Variants in LIPC observed in about 807,000 individuals in gnomAD.
LIPC encodes lipase C, hepatic type, also known as hepatic triacylglycerol lipase.
Under a neutral mutation model 50.7 loss-of-function variants are expected in LIPC, and 44 were observed. That is an observed-to-expected ratio of 0.87 (90% CI 0.68 to 1.11). The LOEUF (loss-of-function observed/expected upper bound fraction) is 1.11, where lower values mean the gene tolerates loss of function less well. LIPC is among the 50% of genes most tolerant of loss of function. The pLI is 0.00. For synonymous variants in LIPC, 271 were observed against 256.4 expected (o/e 1.06, Z -0.54); for missense variants, 697 against 648.2 (o/e 1.08, Z -0.82).
At chr15:58,494,900 T>C (rs1317047912) in intron 1 of LIPC, 1 of 455,906 alleles carries the variant, frequency 2.2e-6, no homozygotes, top group Admixed American at 2.4e-5. Flanking sequence ...TGATTGACAA[T>C]ACAAAATTAA....
chr15:58,498,663 T>G (rs1224832565), intron 1 of LIPC: 3 of 152,168 alleles, frequency 2.0e-5, no homozygotes, highest in African/African-American at 7.2e-5. Flanking sequence ...TACTTGGTGC[T>G]TACTCCCCAG....
At chr15:58,556,375 G>A (rs920787904) in intron 6 of LIPC, among the ~76,000 whole-genome samples, 34 of 152,280 alleles carry the variant, frequency 2.2e-4, no homozygotes, top group Middle Eastern at 3.4e-3. Flanking sequence ...AGGCCACAAA[G>A]GACCACAACT....
chr15:58,461,896 A>T (rs1894362292), intron 1 of LIPC, among the ~76,000 whole-genome samples: 1 of 148,110 alleles, frequency 6.8e-6, no homozygotes, highest in Non-Finnish European at 1.5e-5. Context: ...TACTCTGTCC[A>T]CCCCTCCACA....
chr15:58,528,802 A>G (rs1225174106), intron 1 of LIPC, among the ~76,000 whole-genome samples: 2 of 152,232 alleles, frequency 1.3e-5, no homozygotes, highest in Non-Finnish European at 2.9e-5. Context: ...TTTCTCACTG[A>G]GTATAAGGCA....
intron 1 of LIPC, among the ~76,000 whole-genome samples, chr15:58,461,983 ATG>A (rs1894368587): frequency 1.3e-5 from 2 of 151,364 alleles, no homozygotes; most frequent in South Asian, 4.2e-4. Context: ...AAGTCCTGGA[ATG>A]TGTTTTCTCC....
intron 1 of LIPC, among the ~76,000 whole-genome samples, chr15:58,501,657 G>A (rs562449607): frequency 6.6e-6 from 1 of 152,210 alleles, no homozygotes; most frequent in East Asian, 1.9e-4. Flanking sequence ...TTAACTTGCC[G>A]TGAATATATT....
chr15:58,562,012 C>T (rs1043601169), intron 7 of LIPC, among the ~76,000 whole-genome samples: 2 of 152,202 alleles, frequency 1.3e-5, no homozygotes, highest in African/African-American at 4.8e-5. Flanking sequence ...ACATACAGGG[C>T]ACTGTGGTAG....
Position 58,506,730 on chromosome 15 carries a change from G to A in LIPC, c.89-31603G>A, listed in dbSNP as rs150721523. 4.8e-3 allele frequency among the ~76,000 whole-genome samples: 738 copies of A among 152,306 alleles called. 4 individuals are homozygous for A. Among genetic ancestry groups the A allele is most frequent in the Non-Finnish European group, 8.4e-3 (572 of 68,024 alleles). ...GCTGTGTTCCCAACTCCTAAGCCCT[G>A]CTGGCTCCCTCTGCCCCCCACCCTG... On this transcript the variant is annotated intron_variant, in intron 1 of 8. Coordinates refer to ENST00000299022, the MANE Select transcript of LIPC (RefSeq NM_000236.3).
intron 1 of LIPC, among the ~76,000 whole-genome samples, chr15:58,525,385 C>G (rs961546300): frequency 2.0e-5 from 3 of 152,220 alleles, no homozygotes; most frequent in South Asian, 2.1e-4. Context: ...AATCTTCCCC[C>G]ATAGTCCTTT....
rs139405477 is a variant in LIPC at position 58,483,299 on chromosome 15, A to G, written c.88+51179A>G. Among the ~76,000 whole-genome samples the G allele has an allele frequency of 3.7e-3, 570 of 152,328 alleles. 4 individuals carry two copies. Among genetic ancestry groups the G allele is most frequent in the African/African-American group, 0.013 (552 of 41,570 alleles). On this transcript the variant is annotated intron_variant, in intron 1 of 8. Transcript: ENST00000299022. ...GATTAAGAAATGACCCTTGGTAACA[A>G]AAGTTACCAATGTAGACCAGTTATG...
Position 58,542,523 on chromosome 15 carries a change from C to T in LIPC, c.457-11C>T. On this transcript the variant is annotated splice_polypyrimidine_tract_variant and intron_variant, in intron 3 of 8. Transcript: ENST00000299022. ...CTCTTCTCCTGCCCCCATCCCGCTG[C>T]TGTCTTCCAGGAATCTGTGCAACTC... 1 of 1,570,646 alleles carries T rather than the reference C, an allele frequency of 6.4e-7. No homozygotes were observed. The highest frequency in any genetic ancestry group is 8.8e-7 in the Non-Finnish European group (1 of 1,140,274).
At chr15:58,536,244 G>T (rs1323309091) in intron 1 of LIPC, among the ~76,000 whole-genome samples, 1 of 152,142 alleles carries the variant, frequency 6.6e-6, no homozygotes, top group Admixed American at 6.5e-5. Context: ...GAGGTGCAAA[G>T]GTACCGGCAT....
chr15:58,478,919 T>C (rs1238645790), intron 1 of LIPC, among the ~76,000 whole-genome samples: 4 of 152,200 alleles, frequency 2.6e-5, no homozygotes, highest in African/African-American at 9.6e-5. Flanking sequence ...GGATGCCATG[T>C]CAACAAAAAC....
chr15:58,465,501 C>T (rs1013867965), intron 1 of LIPC, among the ~76,000 whole-genome samples: 3 of 152,142 alleles, frequency 2.0e-5, no homozygotes, highest in African/African-American at 7.2e-5. Flanking sequence ...GATTGTAGGA[C>T]ATGACTGACA....
intron 8 of LIPC, among the ~76,000 whole-genome samples, chr15:58,566,812 T>G (rs1461827055): frequency 6.6e-6 from 1 of 152,072 alleles, no homozygotes; most frequent in Non-Finnish European, 1.5e-5. Context: ...ATCAAAGAAA[T>G]TATCACTGGT....
chr15:58,457,390 G>A (rs997686544), intron 1 of LIPC, among the ~76,000 whole-genome samples: 4 of 152,180 alleles, frequency 2.6e-5, no homozygotes, highest in African/African-American at 7.2e-5. Context: ...GATTACAGGC[G>A]TGAGCCACCG....
At chr15:58,446,587 C>T (rs762973102) in intron 1 of LIPC, among the ~76,000 whole-genome samples, 3 of 152,118 alleles carry the variant, frequency 2.0e-5, no homozygotes, top group Non-Finnish European at 4.4e-5. Flanking sequence ...TTACTTGCTG[C>T]CAATTCTCAC....
chr15:58,568,900 G>A lies in LIPC; in HGVS notation c.*73G>A. The A allele has an allele frequency of 1.2e-6, 1 of 811,590 alleles. No homozygotes were observed. The highest frequency in any genetic ancestry group is 1.7e-5 in the African/African-American group (1 of 57,648). The allele number at this position is 811,590 out of a possible 1,614,324, so 50.3% of individuals were successfully genotyped here. The stretch of plus-strand genomic sequence containing the variant: ...TCTGGAATGGCTGCCTTATTTAGAA[G>A]CCAAAATTACATAAAGAATCTCACA... On this transcript the variant is annotated 3_prime_UTR_variant, in exon 9 of 9. Transcript: ENST00000299022.
intron 1 of LIPC, among the ~76,000 whole-genome samples, chr15:58,449,581 C>G (rs1408938011): frequency 6.6e-6 from 1 of 150,850 alleles, no homozygotes; most frequent in Non-Finnish European, 1.5e-5. Context: ...AAGACAGAGT[C>G]TCACTCTGTC....
Sources: allele counts gnomAD v4.1 joint callset (sites outside exome capture counted in the v4.1 genomes callset), GRCh38; gene constraint gnomAD v4.1.1; transcripts MANE v1.5; gene names NCBI Gene and HGNC (gene_info 2026-07-23, HGNC 2026-07-21).